The following MYO9A variants were observed in gnomAD, a reference collection of about 807,000 sequenced individuals.
MYO9A encodes the protein myosin IXA.
MYO9A carries 103 observed loss-of-function variants against 293.3 expected under a neutral mutation model. The ratio of observed to expected loss-of-function variants is 0.35; its 90% CI spans 0.30 to 0.41. MYO9A has a LOEUF of 0.41. Ranked by LOEUF, MYO9A falls within the 10% of genes least tolerant of loss-of-function variation. MYO9A has a pLI of 1.00. For synonymous variants in MYO9A, 1,001 were observed against 1,035.7 expected, an observed-to-expected ratio of 0.97 and a Z score of 0.64; for missense variants, 2,685 against 3,033.0, an observed-to-expected ratio of 0.89 and a Z score of 2.69.
chr15:71,909,850 A>G (rs2057779048), intron 19 of MYO9A, among the ~76,000 whole-genome samples: 1 of 152,054 alleles, frequency 6.6e-6, no homozygotes, highest in East Asian at 1.9e-4. Context: ...TAATATACAT[A>G]GGGCTTGGCA....
intron 18 of MYO9A, among the ~76,000 whole-genome samples, chr15:71,932,336 G>A (rs1469480946): frequency 6.6e-6 from 1 of 152,044 alleles, no homozygotes; most frequent in Non-Finnish European, 1.5e-5. Context: ...GAAATTCAGT[G>A]TCCCATCAAT....
chr15:72,047,710 C>CTTATTA lies in MYO9A; in HGVS notation c.-71-1077_-71-1076insTAATAA, dbSNP rs1466316573. ...CAATATTTACCTTATTTATTTCATCCTTTAACATATAAGGATGATGTGCTA... is the reference window on the plus strand; with the variant it reads ...CAATATTTACCTTATTTATTTCATCCTTATTATTTAACATATAAGGATGATGTGCTA... On this transcript the variant is annotated intron_variant, in intron 1 of 41. Coordinates refer to ENST00000356056, the MANE Select transcript of MYO9A (RefSeq NM_006901.4). 4.0e-5 allele frequency among the ~76,000 whole-genome samples: 6 copies of CTTATTA among 149,836 alleles called. No individual in the cohort carries two copies. In the East Asian group the frequency reaches 7.9e-4, roughly 20 times the overall value.
rs748196625 is a variant in MYO9A at position 72,103,296 on chromosome 15, CAGCAGA to C, written c.-72+14378_-72+14383del. Among the ~76,000 whole-genome samples the C allele has an allele frequency of 2.1e-3, 281 of 135,492 alleles. 1 individual carries two copies. The highest frequency in any genetic ancestry group is 4.9e-3 in the African/African-American group (174 of 35,496). The allele number at this position is 135,492 out of a possible 152,430, so 88.9% of individuals were successfully genotyped here. ...CAGCAGAAGCAGCAGCAAGCAGCAG[CAGCAGA>C]AGCAGAAGCAGCAGCAAGCAGCAGC... On this transcript the variant is annotated intron_variant, in intron 1 of 41. Coordinates refer to ENST00000356056, the MANE Select transcript of MYO9A (RefSeq NM_006901.4).
intron 1 of MYO9A, among the ~76,000 whole-genome samples, chr15:72,086,833 T>A (rs1254167687): frequency 6.6e-6 from 1 of 152,030 alleles, no homozygotes; most frequent in Non-Finnish European, 1.5e-5. Context: ...AATGGTGCAA[T>A]CTCAGCTCAC....
At chr15:71,958,596 G>A (rs2059256109) in intron 14 of MYO9A, 1 of 152,122 alleles carries the variant, frequency 6.6e-6, no homozygotes, top group Non-Finnish European at 1.5e-5. Context: ...CTAGGTGGTA[G>A]TTCCAGGGTT....
chr15:71,979,064 T>A (rs1418934723), intron 11 of MYO9A, among the ~76,000 whole-genome samples: 1 of 152,210 alleles, frequency 6.6e-6, no homozygotes, highest in Non-Finnish European at 1.5e-5. Context: ...AGCATTCACT[T>A]ACAGTACTTG....
chr15:71,844,383 G>C (rs1007352060), intron 39 of MYO9A, among the ~76,000 whole-genome samples: 2 of 152,176 alleles, frequency 1.3e-5, no homozygotes, highest in African/African-American at 4.8e-5. Flanking sequence ...TTCTAAGAAT[G>C]ATATTCTGAA....
At chr15:72,077,485 A>G (rs1406676850) in intron 1 of MYO9A, among the ~76,000 whole-genome samples, 1 of 152,014 alleles carries the variant, frequency 6.6e-6, no homozygotes, top group Non-Finnish European at 1.5e-5. Context: ...TGAGGTCAGG[A>G]GTTTAAGACA....
intron 5 of MYO9A, among the ~76,000 whole-genome samples, chr15:72,020,147 A>T (rs923582888): frequency 2.0e-5 from 3 of 152,188 alleles, no homozygotes; most frequent in Non-Finnish European, 4.4e-5. Context: ...GATTTTTTTA[A>T]TGGTCATAAA....
At chr15:72,060,197 G>A (rs1180551752) in intron 1 of MYO9A, among the ~76,000 whole-genome samples, 1 of 152,076 alleles carries the variant, frequency 6.6e-6, no homozygotes, top group Non-Finnish European at 1.5e-5. Flanking sequence ...CTCAACCACA[G>A]TCTTCTTTTT....
intron 1 of MYO9A, among the ~76,000 whole-genome samples, chr15:72,103,242 A>AGAG (rs1215550678): frequency 2.6e-5 from 4 of 150,990 alleles, no homozygotes; most frequent in Admixed American, 2.6e-4. Context: ...CAGCAGAAGC[A>AGAG]GCAGCAGCAG....
At chr15:71,881,718 TAA>T (rs765221355) in intron 28 of MYO9A, among the ~76,000 whole-genome samples, 7 of 152,186 alleles carry the variant, frequency 4.6e-5, no homozygotes, top group Non-Finnish European at 1.0e-4. Context: ...GCTATAATCC[TAA>T]GTTTTATACA....
intron 15 of MYO9A, among the ~76,000 whole-genome samples, chr15:71,951,168 C>G (rs2059041789): frequency 6.6e-6 from 1 of 152,158 alleles, no homozygotes; most frequent in African/African-American, 2.4e-5. Context: ...ATAGGAAAGG[C>G]TGGCTGAAGC....
chr15:71,966,304 G>GTGTGTGTGTA (rs1339550571), intron 13 of MYO9A, among the ~76,000 whole-genome samples: 23 of 150,680 alleles, frequency 1.5e-4, no homozygotes, highest in African/African-American at 5.4e-4. Flanking sequence ...GTGTGTGTGT[G>GTGTGTGTGTA]TGTATGATTC....
At chr15:72,101,854 C>T (rs1199452014) in intron 1 of MYO9A, among the ~76,000 whole-genome samples, 1 of 149,426 alleles carries the variant, frequency 6.7e-6, no homozygotes, top group Non-Finnish European at 1.5e-5. Flanking sequence ...CCGCCCCGTC[C>T]GGGAGGGAGG....
rs2054441411 is a variant in MYO9A at position 71,825,468 on chromosome 15, A to AGAT, written c.*1109_*1111dup. On this transcript the variant is annotated 3_prime_UTR_variant, in exon 42 of 42. Coordinates refer to ENST00000356056, the MANE Select transcript of MYO9A (RefSeq NM_006901.4). ...TAATACTGATAGTCTGAGAAAAGGAAGATAAAAGTTAGTTAGTTAGATAGG... is the reference window on the plus strand; with the variant it reads ...TAATACTGATAGTCTGAGAAAAGGAAGATGATAAAAGTTAGTTAGTTAGATAGG... 6.6e-6 allele frequency: 1 copy of AGAT among 152,108 alleles called. No individual in the cohort carries two copies. Among genetic ancestry groups the AGAT allele is most frequent in the Admixed American group, 6.6e-5 (1 of 15,196 alleles). 9.4% of individuals were successfully genotyped at this position (152,108 alleles called of 1,614,324 possible).
intron 1 of MYO9A, among the ~76,000 whole-genome samples, chr15:72,051,105 T>C (rs2078547369): frequency 2.0e-5 from 3 of 152,204 alleles, no homozygotes; most frequent in Admixed American, 2.0e-4. Context: ...GTCTCTGTCA[T>C]GCAGGCTGGA....
intron 1 of MYO9A, among the ~76,000 whole-genome samples, chr15:72,097,371 C>T (rs1014590496): frequency 1.3e-5 from 2 of 152,170 alleles, no homozygotes; most frequent in African/African-American, 2.4e-5. Context: ...CTCAGATGAC[C>T]GATGACCGTT....
At chr15:72,074,950 C>CTTTT (rs1567012010) in intron 1 of MYO9A, among the ~76,000 whole-genome samples, 13 of 71,636 alleles carry the variant, frequency 1.8e-4, no homozygotes, top group East Asian at 5.9e-4. Flanking sequence ...ATTTTCACTG[C>CTTTT]CTTTTTTTTT....
Sources: allele counts gnomAD v4.1 joint callset (sites outside exome capture counted in the v4.1 genomes callset), GRCh38; gene constraint gnomAD v4.1.1; transcripts MANE v1.5; gene names NCBI Gene and HGNC (gene_info 2026-07-23, HGNC 2026-07-21).